The following TRPC6 variants were observed in gnomAD, a reference collection of about 807,000 sequenced individuals.
TRPC6 encodes the protein short transient receptor potential channel 6.
TRPC6 carries 55 observed loss-of-function variants against 90.7 expected under a neutral mutation model. The observed-to-expected ratio is 0.61, with a 90% CI of 0.49 to 0.76. The LOEUF (loss-of-function observed/expected upper bound fraction) is 0.76, where lower values mean the gene tolerates loss of function less well. TRPC6 is among the 30% of genes least tolerant of loss of function. TRPC6 has a pLI of 0.00. For missense variants in TRPC6, 989 were observed against 1,122.7 expected (o/e 0.88, Z 1.70); for synonymous variants, 393 against 393.0 (o/e 1.00, Z 0.00).
intron 1 of TRPC6, among the ~76,000 whole-genome samples, chr11:101,582,184 A>G (rs2136907191): frequency 6.6e-6 from 1 of 152,312 alleles, no homozygotes; most frequent in Non-Finnish European, 1.5e-5. Flanking sequence ...AGTTCTAACT[A>G]TTCTCCTTTA....
chr11:101,490,003 G>T lies in TRPC6; in HGVS notation c.1129-902C>A, dbSNP rs187001586. ...ACACTGTTGGTGTGTATGGAAACTG[G>T]TACACCATTTTTGAAGGGAAACCTA... On this transcript the variant is annotated intron_variant, in intron 3 of 12. Coordinates refer to ENST00000344327, the MANE Select transcript of TRPC6 (RefSeq NM_004621.6). Among the ~76,000 whole-genome samples the T allele has an allele frequency of 1.9e-4, 29 of 152,186 alleles. No individual in the cohort carries two copies. In the East Asian group the frequency reaches 4.4e-3, roughly 23 times the overall value.
At chr11:101,495,163 G>A (rs1332770915) in intron 2 of TRPC6, among the ~76,000 whole-genome samples, 2 of 152,098 alleles carry the variant, frequency 1.3e-5, no homozygotes, top group East Asian at 3.9e-4. Flanking sequence ...TTGAAAAGTT[G>A]AAAAGAGATA....
chr11:101,526,644 C>T (rs1213469888), intron 1 of TRPC6, among the ~76,000 whole-genome samples: 3 of 151,798 alleles, frequency 2.0e-5, no homozygotes, highest in East Asian at 1.9e-4. Flanking sequence ...AGGCAGATCA[C>T]GAGGTCAGGA....
intron 1 of TRPC6, among the ~76,000 whole-genome samples, chr11:101,567,920 C>T (rs1205143938): frequency 1.3e-5 from 2 of 152,104 alleles, no homozygotes; most frequent in African/African-American, 2.4e-5. Context: ...GAGAAACCAG[C>T]GCAAAAGGCT....
At chr11:101,469,929 T>G (rs1391589095) in intron 9 of TRPC6, among the ~76,000 whole-genome samples, 1 of 152,244 alleles carries the variant, frequency 6.6e-6, no homozygotes, top group Non-Finnish European at 1.5e-5. Flanking sequence ...ATAATTTTTT[T>G]CACATATTAC....
intron 2 of TRPC6, among the ~76,000 whole-genome samples, chr11:101,493,488 C>G (rs1859875748): frequency 6.6e-6 from 1 of 152,094 alleles, no homozygotes; most frequent in Admixed American, 6.6e-5. Flanking sequence ...TAGTAAGCAC[C>G]AAAATCGAGC....
chr11:101,491,722 A>C lies in TRPC6; in HGVS notation c.962T>G (p.Leu321Arg). 1 of 1,613,596 alleles carries C rather than the reference A, an allele frequency of 6.2e-7. No individual in the cohort carries two copies. The highest frequency in any genetic ancestry group is 8.5e-7 in the Non-Finnish European group (1 of 1,179,806). ...AACAAAGTCTTTGCACTGCATTGAC[A>C]GTTTTTTGTAGTCATTCTAGGAAAA... ...EKEFKNDYKK[L>R]SMQCKDFVVG... The change falls in exon 3 of 13, where the codon CTG becomes CGG. Residue 321 changes from leucine to arginine, a missense_variant. Transcript: ENST00000344327.
At chr11:101,551,558 A>G (rs1861450410) in intron 1 of TRPC6, among the ~76,000 whole-genome samples, 1 of 151,910 alleles carries the variant, frequency 6.6e-6, no homozygotes, top group South Asian at 2.1e-4. Context: ...GCTTTTCATT[A>G]CTCTCTCATA....
rs529227929 is a variant in TRPC6 at position 101,583,928 on chromosome 11, C to G, written c.-425G>C. 6.1e-6 allele frequency: 1 copy of G among 165,078 alleles called. No homozygotes were observed. Among genetic ancestry groups the G allele is most frequent in the African/African-American group, 2.4e-5 (1 of 42,200 alleles). The allele number at this position is 165,078 out of a possible 1,614,324, so 10.2% of individuals were successfully genotyped here. On this transcript the variant is annotated 5_prime_UTR_variant, in exon 1 of 13. Coordinates refer to ENST00000344327, the MANE Select transcript of TRPC6 (RefSeq NM_004621.6). ...TCCCCCGCACTCTCCGTCAAGATCC[C>G]CACCTTTAAAGGGATCCGAGCGACG...
chr11:101,502,006 G>T (rs563162956), intron 2 of TRPC6, among the ~76,000 whole-genome samples: 1 of 152,224 alleles, frequency 6.6e-6, no homozygotes, highest in South Asian at 2.1e-4. Flanking sequence ...TTAGCAAAAA[G>T]GTATGCATGT....
intron 1 of TRPC6, among the ~76,000 whole-genome samples, chr11:101,551,427 T>TA (rs1433091380): frequency 6.6e-6 from 1 of 152,044 alleles, no homozygotes; most frequent in African/African-American, 2.4e-5. Context: ...TTTGACCACT[T>TA]AAAGTATTTT....
chr11:101,548,341 A>G (rs1466620496), intron 1 of TRPC6, among the ~76,000 whole-genome samples: 1 of 128,418 alleles, frequency 7.8e-6, no homozygotes, highest in Non-Finnish European at 1.6e-5. Flanking sequence ...TTGAAATACA[A>G]TATATAATTA....
chr11:101,495,869 A>C (rs1859933153), intron 2 of TRPC6, among the ~76,000 whole-genome samples: 1 of 152,158 alleles, frequency 6.6e-6, no homozygotes, highest in Non-Finnish European at 1.5e-5. Flanking sequence ...GTGAGGAGTA[A>C]GCATATTAGT....
At chr11:101,456,562 G>C (rs1858887945) in intron 10 of TRPC6, among the ~76,000 whole-genome samples, 1 of 152,168 alleles carries the variant, frequency 6.6e-6, no homozygotes. Flanking sequence ...TTTTGGGCTA[G>C]ATAATTCTTT....
At chr11:101,528,863 A>G (rs1251246648) in intron 1 of TRPC6, among the ~76,000 whole-genome samples, 1 of 152,108 alleles carries the variant, frequency 6.6e-6, no homozygotes, top group Non-Finnish European at 1.5e-5. Context: ...AATAATCTGT[A>G]AAAAATACTA....
chr11:101,457,191 G>T (rs999097921), intron 10 of TRPC6, among the ~76,000 whole-genome samples: 1 of 152,266 alleles, frequency 6.6e-6, no homozygotes, highest in East Asian at 1.9e-4. Context: ...TGGGAAGCTT[G>T]TTGACTACAA....
rs200642639 is a variant in TRPC6, at chr11:101,583,420, G to A, written c.84C>T (p.Ser28=). The change falls in exon 1 of 13, where the codon AGC becomes AGT. Residue 28 remains serine, a synonymous_variant. Transcript: ENST00000344327. ...AAGAAARRNE[S]QDYLLMDSEL... ...CCGAGTCCATGAGCAGATAGTCCTG[G>A]CTCTCGTTGCGCCGCGCAGCGGCTC... 1.9e-6 allele frequency: 3 copies of A among 1,567,784 alleles called. No homozygotes were observed. Among genetic ancestry groups the A allele is most frequent in the East Asian group, 2.4e-5 (1 of 41,888 alleles).
At chr11:101,573,921 C>CGTGTGTGTGTGTGTGTGT (rs58766729) in intron 1 of TRPC6, among the ~76,000 whole-genome samples, 142 of 132,046 alleles carry the variant, frequency 1.1e-3, no homozygotes, top group Non-Finnish European at 9.8e-4. Flanking sequence ...GAAACAAATA[C>CGTGTGTGTGTGTGTGTGT]GTGTGTGTGT....
chr11:101,494,073 A>T (rs1859888303), intron 2 of TRPC6, among the ~76,000 whole-genome samples: 1 of 152,218 alleles, frequency 6.6e-6, no homozygotes, highest in Non-Finnish European at 1.5e-5. Context: ...GTCTGGGCAG[A>T]TAGCATCTAG....
Sources: gnomAD v4.1 joint callset for allele counts (sites outside exome capture counted in the v4.1 genomes callset) on GRCh38, gnomAD v4.1.1 for gene constraint, MANE v1.5 for transcripts, NCBI Gene and HGNC (gene_info 2026-07-23, HGNC 2026-07-21) for gene names.